Variants in CNTNAP2 observed in about 807,000 individuals in gnomAD.
CNTNAP2 encodes contactin-associated protein-like 2.
Under a neutral mutation model 155.2 loss-of-function variants are expected in CNTNAP2, and 98 were observed. The ratio of observed to expected loss-of-function variants is 0.63; its 90% CI spans 0.54 to 0.75. CNTNAP2 has a LOEUF of 0.75. CNTNAP2 is among the 30% of genes least tolerant of loss of function. CNTNAP2 has a pLI of 0.00. For synonymous variants in CNTNAP2, 651 were observed against 631.2 expected (o/e 1.03, Z -0.47); for missense variants, 1,727 against 1,688.1 (o/e 1.02, Z -0.40).
intron 21 of CNTNAP2, among the ~76,000 whole-genome samples, chr7:148,310,358 G>A (rs1385995084): frequency 1.3e-5 from 2 of 152,178 alleles, no homozygotes; most frequent in African/African-American, 4.8e-5. Flanking sequence ...AGGCCTCAGC[G>A]GTTTTGGAGG....
intron 3 of CNTNAP2, among the ~76,000 whole-genome samples, chr7:146,985,362 GGCT>G (rs1213848734): frequency 5.0e-5 from 7 of 141,194 alleles, no homozygotes; most frequent in Non-Finnish European, 9.0e-5. Context: ...CTGTCTCCCA[GGCT>G]GAAGTGCAGT....
intron 12 of CNTNAP2, among the ~76,000 whole-genome samples, chr7:147,577,211 C>T (rs1315882654): frequency 2.0e-5 from 3 of 152,024 alleles, no homozygotes; most frequent in South Asian, 2.1e-4. Context: ...CATACTTCTG[C>T]GTCACTGCTG....
intron 1 of CNTNAP2, among the ~76,000 whole-genome samples, chr7:146,265,956 A>G (rs955875133): frequency 1.3e-5 from 2 of 151,976 alleles, no homozygotes; most frequent in Admixed American, 6.6e-5. Context: ...TGAGAAGACC[A>G]TGGAAGCCTA....
At chr7:146,195,818 G>A (rs1798767215) in intron 1 of CNTNAP2, among the ~76,000 whole-genome samples, 1 of 152,134 alleles carries the variant, frequency 6.6e-6, no homozygotes, top group African/African-American at 2.4e-5. Context: ...TCAGAATGAT[G>A]TCAGCATTTG....
At chr7:146,539,071 G>C (rs1212253213) in intron 1 of CNTNAP2, among the ~76,000 whole-genome samples, 1 of 152,038 alleles carries the variant, frequency 6.6e-6, no homozygotes, top group Non-Finnish European at 1.5e-5. Flanking sequence ...TTAAGGGATG[G>C]TGATATTCAA....
intron 1 of CNTNAP2, among the ~76,000 whole-genome samples, chr7:146,471,241 T>G (rs529144160): frequency 6.6e-6 from 1 of 152,320 alleles, no homozygotes; most frequent in Non-Finnish European, 1.5e-5. Context: ...TGTTCTCCAT[T>G]GTTTACTGGC....
intron 1 of CNTNAP2, among the ~76,000 whole-genome samples, chr7:146,384,173 TA>T (rs1795429188): frequency 6.6e-6 from 1 of 152,146 alleles, no homozygotes; most frequent in South Asian, 2.1e-4. Context: ...AAAGTAAAAG[TA>T]AAATAATGCA....
intron 8 of CNTNAP2, among the ~76,000 whole-genome samples, chr7:147,190,974 A>G (rs1240462020): frequency 6.6e-6 from 1 of 152,168 alleles, no homozygotes; most frequent in African/African-American, 2.4e-5. Context: ...TATTCAAATA[A>G]TAAGAAAAAA....
chr7:147,121,057 C>T lies in CNTNAP2; in HGVS notation c.833C>T (p.Ser278Phe). 1 of 1,614,094 alleles carries T rather than the reference C, an allele frequency of 6.2e-7. No individual in the cohort carries two copies. The highest frequency in any genetic ancestry group is 8.5e-7 in the Non-Finnish European group (1 of 1,180,004). ...GSLLDDHHWH[S>F]VVIERQGRSI... ...TTGCTGGATGACCACCACTGGCACT[C>T]TGTGGTCATTGAGCGCCAGGGGCGG... The change falls in exon 6 of 24, where the codon TCT (serine) becomes TTT (phenylalanine). Residue 278 changes from serine (S) to phenylalanine (F), a missense_variant. Transcript: ENST00000361727.
At chr7:148,302,569 G>A (rs530781697) in intron 21 of CNTNAP2, among the ~76,000 whole-genome samples, 2 of 152,072 alleles carry the variant, frequency 1.3e-5, no homozygotes, top group Non-Finnish European at 2.9e-5. Context: ...TGTGTCAAGG[G>A]GGGACCTGGT....
chr7:147,214,803 G>T (rs1375141154), intron 8 of CNTNAP2, among the ~76,000 whole-genome samples: 1 of 152,064 alleles, frequency 6.6e-6, no homozygotes, highest in Non-Finnish European at 1.5e-5. Context: ...TTTTCACACT[G>T]CTATGAAGAA....
At chr7:146,960,090 C>A (rs1584750071) in intron 3 of CNTNAP2, among the ~76,000 whole-genome samples, 1 of 152,182 alleles carries the variant, frequency 6.6e-6, no homozygotes, top group African/African-American at 2.4e-5. Context: ...GCAGGCCACA[C>A]CTTACTCCTA....
intron 13 of CNTNAP2, among the ~76,000 whole-genome samples, chr7:147,728,173 ATGTG>A (rs72352266): frequency 0.012 from 1,143 of 91,508 alleles, 11 homozygotes; most frequent in Admixed American, 0.075. Flanking sequence ...TACACACACA[ATGTG>A]TGTGTGTGTG....
intron 1 of CNTNAP2, among the ~76,000 whole-genome samples, chr7:146,403,181 T>C (rs1016245987): frequency 2.0e-5 from 3 of 152,142 alleles, no homozygotes; most frequent in African/African-American, 7.2e-5. Context: ...AATTATATAC[T>C]TTTTCAAAAA....
At chr7:148,006,366 A>T (rs1181459117) in intron 15 of CNTNAP2, among the ~76,000 whole-genome samples, 1 of 127,200 alleles carries the variant, frequency 7.9e-6, no homozygotes, top group Admixed American at 9.1e-5. Flanking sequence ...GTTGCCCTGG[A>T]TGGAGTACAG....
intron 8 of CNTNAP2, among the ~76,000 whole-genome samples, chr7:147,157,042 C>T (rs546196453): frequency 2.0e-5 from 3 of 152,188 alleles, no homozygotes; most frequent in Admixed American, 1.3e-4. Flanking sequence ...CATTTGTCTC[C>T]AGGCATGGCT....
At chr7:146,970,990 T>G (rs1797782037) in intron 3 of CNTNAP2, among the ~76,000 whole-genome samples, 1 of 151,978 alleles carries the variant, frequency 6.6e-6, no homozygotes, top group South Asian at 2.1e-4. Context: ...ATATTCTCAC[T>G]CATAGGCAGG....
At chr7:146,932,673 T>C (rs2129223366) in intron 3 of CNTNAP2, among the ~76,000 whole-genome samples, 1 of 152,278 alleles carries the variant, frequency 6.6e-6, no homozygotes. Flanking sequence ...GACATGATAG[T>C]ATATCTGGAA....
intron 15 of CNTNAP2, among the ~76,000 whole-genome samples, chr7:148,101,913 A>G (rs1253254421): frequency 6.6e-6 from 1 of 152,202 alleles, no homozygotes; most frequent in Non-Finnish European, 1.5e-5. Context: ...GATTCTGAAC[A>G]TGCAGTCTTC....
Sources: allele counts gnomAD v4.1 joint callset (sites outside exome capture counted in the v4.1 genomes callset), GRCh38; gene constraint gnomAD v4.1.1; transcripts MANE v1.5; gene names NCBI Gene and HGNC (gene_info 2026-07-23, HGNC 2026-07-21).